COLEC12: variants seen among roughly 807,000 people sequenced by gnomAD.
COLEC12 encodes the protein collectin subfamily member 12.
COLEC12 carries 33 observed loss-of-function variants against 71.1 expected under a neutral mutation model. That is an observed-to-expected ratio of 0.46 (90% confidence interval 0.35 to 0.62). The LOEUF is 0.62. Ranked by LOEUF, COLEC12 falls within the 20% of genes least tolerant of loss-of-function variation. COLEC12 has a pLI of 0.00. For synonymous variants in COLEC12, 350 were observed against 353.0 expected (o/e 0.99, Z 0.10); for missense variants, 765 against 916.1 (o/e 0.84, Z 2.13).
Position 475,074 on chromosome 18 carries a change from C to CAAAAAAAAA in COLEC12, c.58+5632_58+5633insTTTTTTTTT, listed in dbSNP as rs757096561. 1.6e-4 allele frequency among the ~76,000 whole-genome samples: 16 copies of CAAAAAAAAA among 101,674 alleles called. No individual in the cohort carries two copies. In the East Asian group the frequency reaches 2.7e-3, roughly 17 times the overall value. 66.7% of individuals were successfully genotyped at this position (101,674 alleles called of 152,430 possible). A position where few individuals can be genotyped will look rare whatever the true frequency, so the allele number is the denominator to read the frequency against. On this transcript the variant is annotated intron_variant, in intron 2 of 9. Transcript: ENST00000400256. The stretch of plus-strand genomic sequence containing the variant: ...GGGCGACAAGAGCTAAACTCCGTCT[C>CAAAAAAAAA]AAAAATAAATAAATAAATAAATTCA...
intron 1 of COLEC12, among the ~76,000 whole-genome samples, chr18:497,383 G>GTGTGTGTGT (rs1555623893): frequency 2.0e-5 from 3 of 147,052 alleles, no homozygotes; most frequent in African/African-American, 7.5e-5. Flanking sequence ...TAAAGAATGG[G>GTGTGTGTGT]GTGTGTGTGT....
chr18:442,045 A>C (rs893411633), intron 2 of COLEC12, among the ~76,000 whole-genome samples: 1 of 142,038 alleles, frequency 7.0e-6, no homozygotes, highest in East Asian at 2.2e-4. Context: ...ACACACACAC[A>C]CACACACAGC....
At chr18:431,559 G>C (rs1221738322) in intron 2 of COLEC12, among the ~76,000 whole-genome samples, 1 of 152,166 alleles carries the variant, frequency 6.6e-6, no homozygotes, top group Non-Finnish European at 1.5e-5. Context: ...TGTTTAGTCT[G>C]GGCAAATAGG....
At chr18:414,601 A>AAAAC (rs759779718) in intron 2 of COLEC12, among the ~76,000 whole-genome samples, 24 of 152,300 alleles carry the variant, frequency 1.6e-4, no homozygotes, top group Non-Finnish European at 7.4e-5. Flanking sequence ...TGTGTCTCAG[A>AAAAC]AAACAAACAA....
intron 5 of COLEC12, among the ~76,000 whole-genome samples, chr18:338,401 G>T (rs1914167564): frequency 6.6e-6 from 1 of 152,194 alleles, no homozygotes; most frequent in Non-Finnish European, 1.5e-5. Flanking sequence ...GATCAGTAGG[G>T]ACAGGTTTTT....
chr18:427,025 G>A (rs964262708), intron 2 of COLEC12, among the ~76,000 whole-genome samples: 3 of 152,204 alleles, frequency 2.0e-5, no homozygotes, highest in African/African-American at 2.4e-5. Flanking sequence ...ATGGCTGTGC[G>A]TGGCAGGCTG....
intron 2 of COLEC12, among the ~76,000 whole-genome samples, chr18:466,561 G>T (rs1011528186): frequency 3.3e-5 from 5 of 152,130 alleles, no homozygotes; most frequent in African/African-American, 1.2e-4. Context: ...CACTTTCAGG[G>T]ACAGGCTTAT....
intron 2 of COLEC12, among the ~76,000 whole-genome samples, chr18:409,548 C>T (rs1412601127): frequency 2.0e-5 from 3 of 152,080 alleles, no homozygotes; most frequent in Admixed American, 6.5e-5. Context: ...GAAATGTCTA[C>T]TTTCCCAAAA....
intron 2 of COLEC12, among the ~76,000 whole-genome samples, chr18:359,762 C>T (rs759231226): frequency 5.9e-5 from 9 of 152,290 alleles, no homozygotes; most frequent in South Asian, 2.1e-4. Context: ...TTACTAATAG[C>T]GTCCCCCAGG....
At chr18:323,094 A>G (rs559298695) in intron 8 of COLEC12, among the ~76,000 whole-genome samples, 99 of 152,270 alleles carry the variant, frequency 6.5e-4, no homozygotes, top group South Asian at 1.7e-3. Context: ...GCATGGTGGC[A>G]GGCACCTGTA....
chr18:360,774 C>T (rs1914727821), intron 2 of COLEC12, among the ~76,000 whole-genome samples: 2 of 152,076 alleles, frequency 1.3e-5, no homozygotes, highest in Non-Finnish European at 2.9e-5. Context: ...TTAACCAATC[C>T]CTTGAAGGTG....
intron 2 of COLEC12, among the ~76,000 whole-genome samples, chr18:423,405 TA>T (rs1338180111): frequency 6.6e-6 from 1 of 152,238 alleles, no homozygotes. Context: ...AAATATGTAT[TA>T]TTTTCTTCCA....
intron 1 of COLEC12, among the ~76,000 whole-genome samples, chr18:486,014 G>T (rs543252222): frequency 1.3e-5 from 2 of 152,260 alleles, no homozygotes; most frequent in South Asian, 4.1e-4. Flanking sequence ...AAGGAAATTA[G>T]AGTTATACAT....
At chr18:452,545 C>T (rs1916783419) in intron 2 of COLEC12, among the ~76,000 whole-genome samples, 1 of 152,150 alleles carries the variant, frequency 6.6e-6, no homozygotes, top group African/African-American at 2.4e-5. Flanking sequence ...ACAACCACCA[C>T]TATCAAAGAG....
At chr18:497,383 G>GTT (rs1555623893) in intron 1 of COLEC12, among the ~76,000 whole-genome samples, 4 of 147,052 alleles carry the variant, frequency 2.7e-5, no homozygotes, top group Non-Finnish European at 4.5e-5. Context: ...TAAAGAATGG[G>GTT]GTGTGTGTGT....
rs114733440 is a variant in COLEC12, at chr18:365,546, C to T, written c.59-8024G>A. ...CCCCAAAAGCCAGTCTTCAATGGCT[C>T]CTTCATCTACAGAGCCAAAAAACTG... On this transcript the variant is annotated intron_variant, in intron 2 of 9. Transcript: ENST00000400256. Among the ~76,000 whole-genome samples the T allele has an allele frequency of 1.0e-2, 1,521 of 152,228 alleles. 26 individuals are homozygous for T. Among genetic ancestry groups the T allele is most frequent in the African/African-American group, 0.032 (1,328 of 41,532 alleles).
At chr18:376,858 A>T (rs1320061344) in intron 2 of COLEC12, among the ~76,000 whole-genome samples, 1 of 152,250 alleles carries the variant, frequency 6.6e-6, no homozygotes, top group African/African-American at 2.4e-5. Flanking sequence ...TCATGAAATT[A>T]GATGGCTAGA....
chr18:446,030 C>T (rs1473409332), intron 2 of COLEC12, among the ~76,000 whole-genome samples: 1 of 152,190 alleles, frequency 6.6e-6, no homozygotes, highest in Admixed American at 6.5e-5. Flanking sequence ...TTTCACTCAG[C>T]ATAAGAGTTT....
At chr18:340,021 A>C (rs180723688) in intron 5 of COLEC12, among the ~76,000 whole-genome samples, 2 of 151,910 alleles carry the variant, frequency 1.3e-5, no homozygotes, top group East Asian at 3.9e-4. Flanking sequence ...TGTCAAGGTG[A>C]AAATAAAATG....
Sources: gnomAD v4.1 joint callset for allele counts (sites outside exome capture counted in the v4.1 genomes callset) on GRCh38, gnomAD v4.1.1 for gene constraint, MANE v1.5 for transcripts, NCBI Gene and HGNC (gene_info 2026-07-23, HGNC 2026-07-21) for gene names.